Variants in CLSTN1 observed in about 807,000 individuals in gnomAD.
The protein encoded by CLSTN1 is calsyntenin-1.
Under a neutral mutation model 108.3 loss-of-function variants are expected in CLSTN1, and 28 were observed. The observed-to-expected ratio is 0.26, with a 90% confidence interval of 0.19 to 0.35. The LOEUF (loss-of-function observed/expected upper bound fraction) is 0.35. Among genes scored for constraint, CLSTN1 ranks in the 10% least tolerant of loss-of-function variants. The probability of loss-of-function intolerance (pLI) is 1.00; values close to 1 mark genes in which losing one functional copy is unlikely to be tolerated. For synonymous variants in CLSTN1, 524 were observed against 534.9 expected, an observed-to-expected ratio of 0.98 and a Z score of 0.28; for missense variants, 1,157 against 1,302.6, an observed-to-expected ratio of 0.89 and a Z score of 1.72.
At chr1:9,733,849 T>A in intron 15 of CLSTN1, 123 bp downstream of exon 15, 2 of 1,052,994 alleles carry the variant, frequency 1.9e-6, no homozygotes, top group East Asian at 2.4e-5. Flanking sequence ...GCGAACGTGC[T>A]CCTTCCCCAT....
intron 16 of CLSTN1, 131 bp downstream of exon 16, chr1:9,733,270 C>CCCCTAGAATGAG: frequency 8.9e-7 from 1 of 1,119,540 alleles, no homozygotes; most frequent in East Asian, 2.5e-5. Context: ...GAAAGGCGAC[C>CCCCTAGAATGAG]CCCTAGAATG....
intron 2 of CLSTN1, among the ~76,000 whole-genome samples, chr1:9,757,820 C>T (rs890185130): frequency 6.6e-6 from 1 of 152,114 alleles, no homozygotes; most frequent in Non-Finnish European, 1.5e-5. Context: ...ATTTCGCTGC[C>T]CCTCAACACA....
chr1:9,753,341 C>G (rs553792617), intron 4 of CLSTN1, among the ~76,000 whole-genome samples: 57 of 152,232 alleles, frequency 3.7e-4, no homozygotes, highest in Admixed American at 1.2e-3. Context: ...CGGACCAGTA[C>G]TGGCCCACGT....
chr1:9,732,032 T>A, intron 16 of CLSTN1, 136 bp from the exon 17 acceptor site: 2 of 835,612 alleles, frequency 2.4e-6, no homozygotes, highest in Non-Finnish European at 1.7e-6. Context: ...CAAACGGAGC[T>A]ACGGGAAAAG....
chr1:9,737,569 G>C lies in CLSTN1; in HGVS notation c.1520-15C>G. Reference sequence around the variant, plus strand: ...TCCTGAAAACTCTGTGGAAAAGCAAGACAAAGACAATAGAAAAGGACTGAG... The same window carrying C: ...TCCTGAAAACTCTGTGGAAAAGCAACACAAAGACAATAGAAAAGGACTGAG... On this transcript the variant is annotated splice_polypyrimidine_tract_variant and intron_variant, in intron 10 of 18. Transcript: ENST00000377298. 5 of 1,613,184 alleles carry C rather than the reference G, an allele frequency of 3.1e-6. No homozygotes were observed. The highest frequency in any genetic ancestry group is 2.2e-5 in the South Asian group (2 of 91,050).
At chr1:9,746,514 A>C (rs1204544850) in intron 7 of CLSTN1, among the ~76,000 whole-genome samples, 1 of 152,200 alleles carries the variant, frequency 6.6e-6, no homozygotes, top group Non-Finnish European at 1.5e-5. Flanking sequence ...TCAAGAGTTC[A>C]AACCAGCCTG....
intron 1 of CLSTN1, among the ~76,000 whole-genome samples, chr1:9,801,865 A>G (rs1654286806): frequency 6.6e-6 from 1 of 152,078 alleles, no homozygotes; most frequent in African/African-American, 2.4e-5. Context: ...CTCGGCCACC[A>G]TTATTCTATC....
rs368965847 is a variant in CLSTN1 at position 9,751,481 on chromosome 1, T to G, written c.641A>C (p.Asp214Ala). The change falls in exon 5 of 19, where the codon GAC becomes GCC. Residue 214 changes from aspartate to alanine, a missense_variant. Transcript: ENST00000377298. ...IITPDVPFTVDKDGYIKNTEK... is the reference protein window; with the variant it reads ...IITPDVPFTVAKDGYIKNTEK... ...GGCTCCTCGATTCTTACCATCTTTG[T>G]CAACAGTAAAGGGCACGTCTGGAGT... 1.6e-5 allele frequency: 26 copies of G among 1,613,952 alleles called. No individual in the cohort carries two copies. The African/African-American group carries it at 3.5e-4, about 22-fold the overall frequency.
intron 1 of CLSTN1, among the ~76,000 whole-genome samples, chr1:9,786,648 CAAAAAAA>C (rs36003203): frequency 5.1e-4 from 19 of 37,078 alleles, no homozygotes; most frequent in African/African-American, 9.7e-4. Context: ...GACTCCGTCT[CAAAAAAA>C]AAAAAAAAAA....
intron 2 of CLSTN1, among the ~76,000 whole-genome samples, chr1:9,769,844 C>T (rs1451104626): frequency 6.6e-6 from 1 of 151,854 alleles, no homozygotes; most frequent in African/African-American, 2.4e-5. Context: ...AGATTGAGAC[C>T]ACGGTGAAAC....
rs150678750 is a variant in CLSTN1 at position 9,740,722 on chromosome 1, C to T, written c.1519+372G>A. ...GGTCCAAGGCGCACTTCTACTTCTG[C>T]GTCCTTTATTTCTGTGCCTGACTCT... On this transcript the variant is annotated intron_variant, in intron 10 of 18. Transcript: ENST00000377298. Among the ~76,000 whole-genome samples the T allele has an allele frequency of 2.9e-3, 445 of 152,298 alleles. 2 individuals are homozygous for T. Among genetic ancestry groups the T allele is most frequent in the African/African-American group, 9.8e-3 (409 of 41,552 alleles).
At chr1:9,784,629 T>TA (rs1442469581) in intron 1 of CLSTN1, among the ~76,000 whole-genome samples, 6 of 152,230 alleles carry the variant, frequency 3.9e-5, no homozygotes, top group African/African-American at 1.4e-4. Context: ...TGTTGGCGTC[T>TA]CACCTATAAA....
chr1:9,732,630 CA>C (rs1650467644), intron 16 of CLSTN1, among the ~76,000 whole-genome samples: 1 of 152,226 alleles, frequency 6.6e-6, no homozygotes, highest in African/African-American at 2.4e-5. Flanking sequence ...AACTTTGGGT[CA>C]ATTTTCTCCA....
intron 1 of CLSTN1, among the ~76,000 whole-genome samples, chr1:9,811,524 T>C (rs1453004027): frequency 2.0e-5 from 3 of 151,720 alleles, no homozygotes; most frequent in African/African-American, 4.9e-5. Context: ...GTCAGGATTA[T>C]CAAGGTCCCC....
At chr1:9,738,575 CA>C (rs967827274) in intron 10 of CLSTN1, among the ~76,000 whole-genome samples, 9 of 152,214 alleles carry the variant, frequency 5.9e-5, no homozygotes, top group African/African-American at 1.9e-4. Context: ...CAACGTGTAG[CA>C]AAAGTGGCAG....
chr1:9,822,819 CAAT>C (rs1202034206), intron 1 of CLSTN1, among the ~76,000 whole-genome samples: 4 of 152,124 alleles, frequency 2.6e-5, no homozygotes, highest in Non-Finnish European at 5.9e-5. Flanking sequence ...TTCGGTCCTA[CAAT>C]CCTAAAAAAC....
In CLSTN1 at chr1:9,731,854, G is replaced by A; in HGVS notation, c.2470C>T (p.His824Tyr). The change falls in exon 17 of 19, where the codon CAC (histidine) becomes TAC (tyrosine). Residue 824 changes from histidine (H) to tyrosine (Y), a missense_variant. Physicochemically the swap from His to Tyr is moderately conservative, Grantham distance 83 (BLOSUM62 2). Coordinates refer to ENST00000377298, the MANE Select transcript of CLSTN1 (RefSeq NM_001009566.3). Reference sequence around the variant, plus strand: ...ACGAACTGTGGCTGGGCAGCCATGTGGTTGGCGTGTTCCATGGGGTTGGCC... The same window carrying A: ...ACGAACTGTGGCTGGGCAGCCATGTAGTTGGCGTGTTCCATGGGGTTGGCC... ...HTANPMEHAN[H>Y]MAAQPQFVHP... 4 of 1,614,172 alleles carry A rather than the reference G, an allele frequency of 2.5e-6. No individual in the cohort carries two copies. The highest frequency in any genetic ancestry group is 3.4e-6 in the Non-Finnish European group (4 of 1,180,034).
In CLSTN1 at chr1:9,818,320, TTTTTTG is replaced by T. The variant is rs543403727; in HGVS notation, c.91+5317_91+5322del. Among the ~76,000 whole-genome samples the T allele has an allele frequency of 7.4e-3, 1,118 of 151,452 alleles. 12 individuals are homozygous for T. Among genetic ancestry groups the T allele is most frequent in the African/African-American group, 0.025 (1,037 of 41,262 alleles). Reference sequence around the variant, plus strand: ...CTACCATGCCTGGCCGTTTGGGTTTTTTTTTGTTTTTGTTTTTGTTTTTTCCTGAGA... The same window carrying T: ...CTACCATGCCTGGCCGTTTGGGTTTTTTTTTGTTTTTGTTTTTTCCTGAGA... On this transcript the variant is annotated intron_variant, in intron 1 of 18. Transcript: ENST00000377298.
chr1:9,730,469 G>A lies in CLSTN1; in HGVS notation c.*39C>T, dbSNP rs1650298361. On this transcript the variant is annotated 3_prime_UTR_variant, in exon 19 of 19. Coordinates refer to ENST00000377298, the MANE Select transcript of CLSTN1 (RefSeq NM_001009566.3). This position sits in a 1 kb window ranked among gnomAD's most constrained non-coding sequence, Gnocchi z 5.6. ...GACTGGGAGAACGGATGGCAGCAGA[G>A]TCTTCGAAAGCAGAAACCGAGGTGG... 1.3e-6 allele frequency: 2 copies of A among 1,572,770 alleles called. No individual in the cohort carries two copies. The highest frequency in any genetic ancestry group is 1.7e-6 in the Non-Finnish European group (2 of 1,156,426).
Sources: gnomAD v4.1 joint callset for allele counts (sites outside exome capture counted in the v4.1 genomes callset) on GRCh38, gnomAD v4.1.1 for gene constraint, Gnocchi (gnomAD v3.1) non-coding constraint, MANE v1.5 for transcripts, NCBI Gene and HGNC (gene_info 2026-07-23, HGNC 2026-07-21) for gene names.